PUM1: variants seen among roughly 807,000 people sequenced by gnomAD.
PUM1 encodes the protein pumilio RNA binding family member 1, also known as pumilio homolog 1.
Under a neutral mutation model 131.8 loss-of-function variants are expected in PUM1, and 13 were observed. The ratio of observed to expected loss-of-function variants is 0.10; its 90% CI spans 0.06 to 0.16. The LOEUF is 0.16. Among genes scored for constraint, PUM1 ranks in the 10% least tolerant of loss-of-function variants. The probability of loss-of-function intolerance (pLI) is 1.00; values close to 1 mark genes in which losing one functional copy is unlikely to be tolerated. For missense variants in PUM1, 961 were observed against 1,512.4 expected, an observed-to-expected ratio of 0.64 and a Z score of 6.05; for synonymous variants, 509 against 556.5, an observed-to-expected ratio of 0.91 and a Z score of 1.20.
At chr1:30,983,666 G>A (rs916002191) in intron 7 of PUM1, among the ~76,000 whole-genome samples, 3 of 151,960 alleles carry the variant, frequency 2.0e-5, no homozygotes, top group Admixed American at 6.6e-5. Context: ...ATGCAGTGAC[G>A]TGATCATGGC....
chr1:30,999,870 A>G (rs968960658), intron 5 of PUM1, among the ~76,000 whole-genome samples: 10 of 152,250 alleles, frequency 6.6e-5, no homozygotes, highest in African/African-American at 2.2e-4. Flanking sequence ...AACACTATAC[A>G]TGACATCAAG....
chr1:30,997,555 TCAA>T (rs35647305), intron 5 of PUM1, among the ~76,000 whole-genome samples: 42,059 of 149,696 alleles, frequency 0.28, 6,355 homozygotes, highest in Non-Finnish European at 0.34. Flanking sequence ...GTAGGAAGTT[TCAA>T]CAACAAGCAA....
Position 30,945,427 on chromosome 1 carries a change from A to G in PUM1, c.2913T>C (p.Asn971=). 3 of 1,614,202 alleles carry G rather than the reference A, an allele frequency of 1.9e-6. No homozygotes were observed. Among genetic ancestry groups the G allele is most frequent in the African/African-American group, 2.7e-5 (2 of 75,072 alleles). The change falls in exon 18 of 22, where the codon AAT becomes AAC. Residue 971 remains asparagine (N), a synonymous_variant. Coordinates refer to ENST00000426105, the MANE Select transcript of PUM1 (RefSeq NM_001020658.2). ...TGCATTTCTGAACCACGTGATTGCC[A>G]TTCTGATCTTTCACACACTTCAAGA... ...GHVLKCVKDQ[N]GNHVVQKCIE... is the part of the protein sequence containing the mutation.
intron 9 of PUM1, among the ~76,000 whole-genome samples, chr1:30,979,518 C>G (rs969411486): frequency 6.6e-6 from 1 of 151,966 alleles, no homozygotes; most frequent in Admixed American, 6.6e-5. Context: ...AACACCACCA[C>G]CCCCACCCCG....
chr1:31,023,232 C>CAT (rs1417370634), intron 3 of PUM1, among the ~76,000 whole-genome samples: 1 of 151,702 alleles, frequency 6.6e-6, no homozygotes, highest in Non-Finnish European at 1.5e-5. Context: ...TGCTTGGTCA[C>CAT]ATATTTTTAT....
intron 9 of PUM1, among the ~76,000 whole-genome samples, chr1:30,977,219 G>A (rs1393296840): frequency 2.6e-5 from 4 of 152,188 alleles, no homozygotes; most frequent in Non-Finnish European, 5.9e-5. Flanking sequence ...TTTTGACTAT[G>A]ACCCATCACA....
chr1:30,946,679 T>G (rs891895623), intron 17 of PUM1, among the ~76,000 whole-genome samples: 6 of 148,216 alleles, frequency 4.0e-5, no homozygotes, highest in Admixed American at 6.7e-5. Flanking sequence ...CTTATATACA[T>G]ATATATAATA....
At chr1:31,010,294 T>C (rs919417339) in intron 3 of PUM1, among the ~76,000 whole-genome samples, 1 of 152,208 alleles carries the variant, frequency 6.6e-6, no homozygotes, top group African/African-American at 2.4e-5. Flanking sequence ...CTTAATGATC[T>C]TCACTTACAA....
chr1:31,032,431 G>T (rs930466858), intron 2 of PUM1, among the ~76,000 whole-genome samples: 3 of 152,118 alleles, frequency 2.0e-5, no homozygotes, highest in Non-Finnish European at 4.4e-5. Flanking sequence ...TCCCATCAAG[G>T]TAGAATAAGC....
intron 2 of PUM1, among the ~76,000 whole-genome samples, chr1:31,042,336 A>AAATT (rs1442584784): frequency 1.7e-5 from 2 of 116,306 alleles, no homozygotes; most frequent in East Asian, 9.8e-4. Flanking sequence ...ATAAATAAAT[A>AAATT]AAATAAAATA....
chr1:31,028,768 C>T, intron 3 of PUM1, 28 bp downstream of exon 3: 1 of 1,581,584 alleles, frequency 6.3e-7, no homozygotes, highest in Non-Finnish European at 8.7e-7. Flanking sequence ...AAAACAGACC[C>T]ACTTTTCTGA....
At chr1:30,985,650 C>CAAAA (rs372548441) in intron 7 of PUM1, among the ~76,000 whole-genome samples, 34 of 65,208 alleles carry the variant, frequency 5.2e-4, no homozygotes, top group African/African-American at 1.6e-3. Context: ...AACTCCATCT[C>CAAAA]AAAAAAAAAA....
In PUM1 at chr1:30,944,683, A is replaced by T. The variant is rs118145059; in HGVS notation, c.2994+663T>A. Among the ~76,000 whole-genome samples, 777 of 152,362 alleles carry T rather than the reference A, an allele frequency of 5.1e-3. 5 individuals are homozygous for T. Among genetic ancestry groups the T allele is most frequent in the East Asian group, 0.032 (168 of 5,194 alleles). On this transcript the variant is annotated intron_variant, in intron 18 of 21. Transcript: ENST00000426105. The stretch of plus-strand genomic sequence containing the variant: ...TTCACACATGACCTACAACATTAGT[A>T]CCGTAAATTACCTGAATTTTAAACC...
chr1:31,049,823 CTT>C (rs773718125), intron 2 of PUM1, among the ~76,000 whole-genome samples: 13,281 of 78,284 alleles, frequency 0.17, 247 homozygotes, highest in East Asian at 0.35. Flanking sequence ...ACTGAACTTC[CTT>C]TTTTTTTTTT....
intron 18 of PUM1, among the ~76,000 whole-genome samples, chr1:30,943,341 C>G (rs1029318280): frequency 6.6e-6 from 1 of 152,044 alleles, no homozygotes; most frequent in African/African-American, 2.4e-5. Context: ...CGGCTCACTG[C>G]AACCTCCGCC....
intron 1 of PUM1, 39 bp downstream of exon 1, chr1:31,065,577 C>T (rs1644465896): frequency 2.0e-6 from 3 of 1,537,464 alleles, no homozygotes; most frequent in Non-Finnish European, 2.6e-6. Flanking sequence ...GTTAGGGGTC[C>T]GGAGCAGCGT....
At chr1:31,028,728 T>G in intron 3 of PUM1, 68 bp downstream of exon 3, 5 of 1,244,666 alleles carry the variant, frequency 4.0e-6, no homozygotes, top group Non-Finnish European at 4.7e-6. Flanking sequence ...TTGGACACAT[T>G]TGATGAAAGA....
chr1:30,980,202 T>G (rs1246348339), intron 8 of PUM1, 39 bp from the exon 9 acceptor site: 1 of 1,503,832 alleles, frequency 6.6e-7, no homozygotes, highest in South Asian at 1.1e-5. Flanking sequence ...CAAACTTGAC[T>G]AAAACTGCAG....
At chr1:30,965,835 C>CT (rs2124439580) in intron 13 of PUM1, 147 bp downstream of exon 13, 1 of 779,276 alleles carries the variant, frequency 1.3e-6, no homozygotes, top group Non-Finnish European at 2.0e-6. Context: ...TTTCAATAGT[C>CT]TATCATCTCA....
Sources: allele counts gnomAD v4.1 joint callset (sites outside exome capture counted in the v4.1 genomes callset), GRCh38; gene constraint gnomAD v4.1.1; transcripts MANE v1.5; gene names NCBI Gene and HGNC (gene_info 2026-07-23, HGNC 2026-07-21).